Variants in CPVL observed in about 807,000 individuals in gnomAD.
CPVL encodes probable serine carboxypeptidase CPVL.
In CPVL, 51 loss-of-function variants were observed where a neutral mutation model predicts 63.7. The ratio of observed to expected loss-of-function variants is 0.80; its 90% CI spans 0.64 to 1.01. The LOEUF is 1.01. Among genes scored for constraint, CPVL ranks in the 50% least tolerant of loss-of-function variants. CPVL has a pLI of 0.00. For missense variants in CPVL, 530 were observed against 573.1 expected (o/e 0.92, Z 0.77); for synonymous variants, 195 against 206.0 (o/e 0.95, Z 0.46).
intron 11 of CPVL, among the ~76,000 whole-genome samples, chr7:29,041,672 A>G (rs1789107309): frequency 6.6e-6 from 1 of 152,222 alleles, no homozygotes; most frequent in African/African-American, 2.4e-5. Flanking sequence ...CAAAGAAAAA[A>G]ATGCTTTAAT....
intron 3 of CPVL, among the ~76,000 whole-genome samples, chr7:29,103,207 T>G (rs1262894230): frequency 8.3e-6 from 1 of 120,576 alleles, no homozygotes; most frequent in Non-Finnish European, 1.8e-5. Flanking sequence ...TGCTAAAAAC[T>G]TGCCAATTTC....
chr7:29,128,978 TC>T (rs1271639547), intron 1 of CPVL, among the ~76,000 whole-genome samples: 1 of 151,692 alleles, frequency 6.6e-6, no homozygotes, highest in African/African-American at 2.4e-5. Context: ...GCTCCTAGAG[TC>T]TTATCTTCCT....
At chr7:29,143,221 C>T (rs1291305792) in intron 1 of CPVL, among the ~76,000 whole-genome samples, 1 of 152,222 alleles carries the variant, frequency 6.6e-6, no homozygotes, top group Non-Finnish European at 1.5e-5. Flanking sequence ...AAACTCTTAG[C>T]CTATGCTCCG....
chr7:29,132,465 G>A (rs566134793), intron 1 of CPVL, among the ~76,000 whole-genome samples: 4 of 152,136 alleles, frequency 2.6e-5, no homozygotes, highest in African/African-American at 9.7e-5. Flanking sequence ...CAGGCAGAAA[G>A]GTTCACCTTA....
chr7:29,079,170 G>A (rs887497219), intron 7 of CPVL, among the ~76,000 whole-genome samples: 9 of 152,178 alleles, frequency 5.9e-5, no homozygotes, highest in African/African-American at 2.2e-4. Context: ...CTTCTTTTCT[G>A]TTTGTGTAAG....
At position 29,072,307 on chromosome 7, in the gene CPVL, G is replaced by A. The variant is rs749186627; in HGVS notation, c.726C>T (p.Pro242=). 1.4e-5 allele frequency: 23 copies of A among 1,613,742 alleles called. No individual in the cohort carries two copies. Among genetic ancestry groups the A allele is most frequent in the South Asian group, 5.5e-5 (5 of 91,040 alleles). The change falls in exon 8 of 13, where the codon CCC becomes CCT. Residue 242 remains proline (P), a synonymous_variant. Coordinates refer to ENST00000265394, the MANE Select transcript of CPVL (RefSeq NM_031311.5). The part of the protein sequence containing the change: ...GIAIGDGYSD[P]ESIIGGYAEF... ...GTCAGAAGGAGAAACCTACTGATTC[G>A]GGATCAGAATATCCATCTCCAATAG...
chr7:29,183,328 C>T (rs1798301857), intron 4 of CPVL, among the ~76,000 whole-genome samples: 1 of 151,886 alleles, frequency 6.6e-6, no homozygotes, highest in African/African-American at 2.4e-5. Flanking sequence ...AGGTGATCTG[C>T]CTGCCTTGGC....
intron 1 of CPVL, among the ~76,000 whole-genome samples, chr7:29,143,944 T>C (rs1275140967): frequency 1.3e-5 from 2 of 152,234 alleles, no homozygotes; most frequent in Non-Finnish European, 2.9e-5. Flanking sequence ...TCAGTTCAGA[T>C]ACGCTGTAAC....
chr7:29,096,280 C>G, intron 3 of CPVL, 63 bp from the exon 4 acceptor site: 2 of 1,319,390 alleles, frequency 1.5e-6, no homozygotes, highest in Admixed American at 1.7e-5. Context: ...AGAACACACA[C>G]AAGCAAACTT....
chr7:29,180,499 G>A (rs1047396333), intron 5 of CPVL, among the ~76,000 whole-genome samples: 9 of 151,094 alleles, frequency 6.0e-5, no homozygotes, highest in African/African-American at 7.3e-5. Flanking sequence ...TGCACTGGGC[G>A]ACAGAGCGAC....
At chr7:28,996,772 C>CA (rs1162835237) in intron 12 of CPVL, among the ~76,000 whole-genome samples, 1 of 152,092 alleles carries the variant, frequency 6.6e-6, no homozygotes, top group Non-Finnish European at 1.5e-5. Flanking sequence ...ATCCCACACC[C>CA]ATCCACTAAT....
intron 7 of CPVL, among the ~76,000 whole-genome samples, chr7:29,078,980 T>C (rs753755765): frequency 6.6e-6 from 1 of 152,222 alleles, no homozygotes; most frequent in South Asian, 2.1e-4. Context: ...ACAGCTTGAA[T>C]GCTATCTAAT....
intron 1 of CPVL, among the ~76,000 whole-genome samples, chr7:29,121,879 G>A (rs1789422260): frequency 6.6e-6 from 1 of 152,024 alleles, no homozygotes; most frequent in East Asian, 1.9e-4. Context: ...AGGGGGGAGG[G>A]TCCTACAACT....
intron 7 of CPVL, among the ~76,000 whole-genome samples, chr7:29,073,284 T>G (rs1332608496): frequency 6.6e-6 from 1 of 152,194 alleles, no homozygotes; most frequent in Non-Finnish European, 1.5e-5. Context: ...CAGAAGTCAA[T>G]CAGCCAAGCT....
intron 1 of CPVL, among the ~76,000 whole-genome samples, chr7:29,142,316 T>C (rs1381477233): frequency 6.6e-6 from 1 of 152,194 alleles, no homozygotes; most frequent in Non-Finnish European, 1.5e-5. Context: ...TTTTTCTCTT[T>C]CCGTACATTC....
intron 12 of CPVL, among the ~76,000 whole-genome samples, chr7:28,999,099 C>A (rs1445779955): frequency 6.6e-6 from 1 of 151,664 alleles, no homozygotes; most frequent in Non-Finnish European, 1.5e-5. Flanking sequence ...GTAATCCCAA[C>A]TACTGGGGAG....
chr7:29,090,578 C>T (rs1785666569), intron 6 of CPVL, among the ~76,000 whole-genome samples: 1 of 152,202 alleles, frequency 6.6e-6, no homozygotes, highest in South Asian at 2.1e-4. Context: ...GGACTGCTTA[C>T]TACTGTCTCA....
chr7:29,163,011 A>G lies in CPVL; in HGVS notation c.-11+18279T>C, dbSNP rs111649178. Among the ~76,000 whole-genome samples the G allele has an allele frequency of 5.8e-3, 879 of 152,370 alleles. 8 individuals are homozygous for G. The highest frequency in any genetic ancestry group is 0.02 in the African/African-American group (835 of 41,580). ...ATATGCATGAGGTGTAGTTAATTGTACCAATCAATATCCTTGTTTTGATAA... is the reference window on the plus strand; with the variant it reads ...ATATGCATGAGGTGTAGTTAATTGTGCCAATCAATATCCTTGTTTTGATAA... On this transcript the variant is annotated intron_variant, in intron 5 of 16. Coordinates refer to the CPVL transcript ENST00000409850.
intron 5 of CPVL, among the ~76,000 whole-genome samples, chr7:29,167,385 A>G (rs1038768020): frequency 6.6e-6 from 1 of 152,196 alleles, no homozygotes; most frequent in Non-Finnish European, 1.5e-5. Flanking sequence ...TATTCAAAAA[A>G]TTATCCACTA....
Sources: gnomAD v4.1 joint callset for allele counts (sites outside exome capture counted in the v4.1 genomes callset) on GRCh38, gnomAD v4.1.1 for gene constraint, MANE v1.5 for transcripts, NCBI Gene and HGNC (gene_info 2026-07-23, HGNC 2026-07-21) for gene names.